Variants in CSMD1 observed in about 807,000 individuals in gnomAD.
CSMD1 encodes CUB and sushi domain-containing protein 1.
CSMD1 carries 213 observed loss-of-function variants against 417.5 expected under a neutral mutation model. That is an observed-to-expected ratio of 0.51 (90% CI 0.46 to 0.57). The LOEUF (loss-of-function observed/expected upper bound fraction) is 0.57, where lower values mean the gene tolerates loss of function less well. Among genes scored for constraint, CSMD1 ranks in the 20% least tolerant of loss-of-function variants. The pLI is 0.00. For missense variants in CSMD1, 6,923 were observed against 4,529.7 expected (o/e 1.53, Z -15.17); for synonymous variants, 2,862 against 1,736.8 (o/e 1.65, Z -16.11).
intron 55 of CSMD1, among the ~76,000 whole-genome samples, chr8:2,976,385 A>T (rs1247354793): frequency 6.6e-6 from 1 of 152,038 alleles, no homozygotes; most frequent in Non-Finnish European, 1.5e-5. Flanking sequence ...TTTTTTAGAG[A>T]TGGGGATTTG....
chr8:3,985,317 G>A lies in CSMD1; in HGVS notation c.818+12586C>T, dbSNP rs112627743. Among the ~76,000 whole-genome samples the A allele has an allele frequency of 8.7e-4, 132 of 152,252 alleles. 1 individual carries two copies. Among genetic ancestry groups the A allele is most frequent in the African/African-American group, 3.1e-3 (130 of 41,550 alleles). ...AGATAATAAATTATTTTTAAAGCAG[G>A]CATATATGTTTTCGTTTATTAGGGT... On this transcript the variant is annotated intron_variant, in intron 5 of 69. Coordinates refer to ENST00000635120, the MANE Select transcript of CSMD1 (RefSeq NM_033225.6).
At chr8:3,859,935 G>A (rs1004456227) in intron 5 of CSMD1, among the ~76,000 whole-genome samples, 3 of 152,252 alleles carry the variant, frequency 2.0e-5, no homozygotes, top group East Asian at 1.9e-4. Context: ...GAGTGTAATA[G>A]CTTTTCATGA....
At chr8:3,075,772 T>C (rs1030590296) in intron 49 of CSMD1, among the ~76,000 whole-genome samples, 4 of 151,372 alleles carry the variant, frequency 2.6e-5, no homozygotes, top group Non-Finnish European at 5.9e-5. Context: ...CTGGGCGCGG[T>C]GGCTCATGCC....
At chr8:3,175,475 C>CCTTCTTTTT (rs1554451319) in intron 37 of CSMD1, among the ~76,000 whole-genome samples, 1 of 132,470 alleles carries the variant, frequency 7.5e-6, no homozygotes, top group Non-Finnish European at 1.6e-5. Flanking sequence ...TCCTTCTTTT[C>CCTTCTTTTT]CCTTCCTTCC....
intron 3 of CSMD1, among the ~76,000 whole-genome samples, chr8:4,145,303 T>G (rs1357634502): frequency 6.6e-6 from 1 of 151,042 alleles, no homozygotes; most frequent in East Asian, 1.9e-4. Context: ...GTTGAGAACT[T>G]TATGGTACTC....
chr8:4,111,334 A>C (rs896121631), intron 3 of CSMD1, among the ~76,000 whole-genome samples: 2 of 152,150 alleles, frequency 1.3e-5, no homozygotes, highest in Non-Finnish European at 2.9e-5. Context: ...TGCTGTTACG[A>C]AAAAAGACCT....
At chr8:4,590,445 G>A (rs1799928985) in intron 2 of CSMD1, among the ~76,000 whole-genome samples, 1 of 152,100 alleles carries the variant, frequency 6.6e-6, no homozygotes, top group African/African-American at 2.4e-5. Context: ...CTGTTCAAAA[G>A]TACTCATTAA....
chr8:3,885,864 G>A (rs894136727), intron 5 of CSMD1, among the ~76,000 whole-genome samples: 1 of 152,022 alleles, frequency 6.6e-6, no homozygotes, highest in Non-Finnish European at 1.5e-5. Context: ...AAAACAATTT[G>A]CTCTTTTGCT....
At chr8:3,200,234 C>T (rs1222368092) in intron 32 of CSMD1, among the ~76,000 whole-genome samples, 1 of 151,710 alleles carries the variant, frequency 6.6e-6, no homozygotes. Flanking sequence ...TCAGAAAAGG[C>T]CTTCTGAAGT....
intron 4 of CSMD1, among the ~76,000 whole-genome samples, chr8:4,009,491 G>C (rs368884973): frequency 6.6e-6 from 1 of 152,126 alleles, no homozygotes; most frequent in African/African-American, 2.4e-5. Context: ...GTCATCAAAT[G>C]TGTTTACCAA....
chr8:4,444,301 C>G (rs144463495), intron 2 of CSMD1, among the ~76,000 whole-genome samples: 1 of 132,806 alleles, frequency 7.5e-6, no homozygotes, highest in Non-Finnish European at 1.5e-5. Flanking sequence ...GAACTGAGAT[C>G]TCGCGACTTC....
chr8:3,133,167 G>A (rs1817886894), intron 41 of CSMD1, among the ~76,000 whole-genome samples: 1 of 152,156 alleles, frequency 6.6e-6, no homozygotes, highest in Admixed American at 6.5e-5. Flanking sequence ...ACCTGGGGGA[G>A]GCCGACCTGG....
intron 1 of CSMD1, chr8:4,788,233 A>C: frequency 1.9e-6 from 3 of 1,588,378 alleles, no homozygotes; most frequent in Non-Finnish European, 2.6e-6. Context: ...GGACCAGATG[A>C]AACTCTGAGG....
At chr8:4,655,891 T>C (rs1804198869) in intron 1 of CSMD1, among the ~76,000 whole-genome samples, 1 of 152,148 alleles carries the variant, frequency 6.6e-6, no homozygotes, top group African/African-American at 2.4e-5. Flanking sequence ...CATCAAATAT[T>C]GATTGACTGT....
At chr8:3,916,991 T>A (rs1808873965) in intron 5 of CSMD1, among the ~76,000 whole-genome samples, 1 of 152,154 alleles carries the variant, frequency 6.6e-6, no homozygotes, top group Non-Finnish European at 1.5e-5. Flanking sequence ...ATGGTGAAAC[T>A]CCACTGCCCT....
chr8:4,799,640 G>C (rs570703999), intron 1 of CSMD1, among the ~76,000 whole-genome samples: 2 of 139,866 alleles, frequency 1.4e-5, no homozygotes, highest in East Asian at 4.3e-4. Context: ...TAATCCCTGG[G>C]CACTCACACA....
intron 1 of CSMD1, among the ~76,000 whole-genome samples, chr8:4,758,123 C>T (rs1332621836): frequency 6.6e-6 from 1 of 152,070 alleles, no homozygotes; most frequent in Non-Finnish European, 1.5e-5. Flanking sequence ...AAATAATTGG[C>T]AACATTGACC....
At chr8:4,585,325 T>G (rs2130712385) in intron 2 of CSMD1, among the ~76,000 whole-genome samples, 1 of 152,250 alleles carries the variant, frequency 6.6e-6, no homozygotes, top group African/African-American at 2.4e-5. Context: ...AATAGCAGAT[T>G]AGGCAAAGTT....
rs193049531 is a variant in CSMD1 at position 2,965,045 on chromosome 8, T to C, written c.9280+730A>G. Among the ~76,000 whole-genome samples, 32 of 152,282 alleles carry C rather than the reference T, an allele frequency of 2.1e-4. No homozygotes were observed. In the East Asian group the frequency reaches 6.0e-3, roughly 28 times the overall value. On this transcript the variant is annotated intron_variant, in intron 59 of 69. Transcript: ENST00000635120. The stretch of plus-strand genomic sequence containing the variant: ...TCAAGCCCCTCTCTCCCCCTCTTCT[T>C]GTCCTTCCTCTGCACCAGCTGATAA...
Sources: gnomAD v4.1 joint callset for allele counts (sites outside exome capture counted in the v4.1 genomes callset) on GRCh38, gnomAD v4.1.1 for gene constraint, MANE v1.5 for transcripts, NCBI Gene and HGNC (gene_info 2026-07-23, HGNC 2026-07-21) for gene names.